RAP1A: variants seen among roughly 807,000 people sequenced by gnomAD.
RAP1A encodes the protein RAP1A, member of RAS oncogene family, also known as ras-related protein Rap-1A.
Under a neutral mutation model 26.4 loss-of-function variants are expected in RAP1A, and 6 were observed. That is an observed-to-expected ratio of 0.23 (90% confidence interval 0.12 to 0.45). The LOEUF (loss-of-function observed/expected upper bound fraction) is 0.45, where lower values mean the gene tolerates loss of function less well. Among genes scored for constraint, RAP1A ranks in the 20% least tolerant of loss-of-function variants. The pLI is 0.99. For missense variants in RAP1A, 121 were observed against 217.2 expected (o/e 0.56, Z 2.78); for synonymous variants, 73 against 79.4 (o/e 0.92, Z 0.43).
chr1:111,697,596 T>C, intron 4 of RAP1A, 99 bp downstream of exon 4: 1 of 1,549,260 alleles, frequency 6.5e-7, no homozygotes. Flanking sequence ...GTAAAAGTAA[T>C]CATTCTGATT....
intron 1 of RAP1A, among the ~76,000 whole-genome samples, chr1:111,641,853 T>G (rs1156987208): frequency 6.6e-6 from 1 of 152,230 alleles, no homozygotes; most frequent in Admixed American, 6.5e-5. Flanking sequence ...ACCACACTGA[T>G]GCTAGAGCCA....
chr1:111,617,437 T>C (rs1398108146), upstream of RAP1A, among the ~76,000 whole-genome samples: 1 of 152,088 alleles, frequency 6.6e-6, no homozygotes, highest in Non-Finnish European at 1.5e-5. Flanking sequence ...TTCTGTGTCA[T>C]CAATTTTACC....
At chr1:111,710,546 C>T (rs1370350725) in intron 7 of RAP1A, among the ~76,000 whole-genome samples, 1 of 152,068 alleles carries the variant, frequency 6.6e-6, no homozygotes, top group Admixed American at 6.6e-5. Context: ...TAAACTGGTC[C>T]CACTGGAAAG....
At chr1:111,670,123 T>C (rs976857196) in intron 1 of RAP1A, among the ~76,000 whole-genome samples, 2 of 152,242 alleles carry the variant, frequency 1.3e-5, no homozygotes, top group African/African-American at 4.8e-5. Flanking sequence ...CCAAAAGATA[T>C]ACTTTAGGTA....
At position 111,609,570 on chromosome 1, in the gene RAP1A, T is replaced by C. The variant is rs190024403; in HGVS notation, c.-28+67061T>C. ...GGTGCTGGTGCTCCGCTCTGTGTCA[T>C]TGTGGCCCCTGAACAATGGGAGGCT... is the stretch of plus-strand genomic sequence containing the variant. On this transcript the variant is annotated intron_variant, in intron 1 of 7. Transcript: ENST00000356415. 3.5e-3 allele frequency among the ~76,000 whole-genome samples: 534 copies of C among 152,332 alleles called. 3 individuals carry two copies. Among genetic ancestry groups the C allele is most frequent in the South Asian group, 0.017 (82 of 4,820 alleles).
intron 1 of RAP1A, among the ~76,000 whole-genome samples, chr1:111,603,521 T>G (rs2101073826): frequency 6.6e-6 from 1 of 152,342 alleles, no homozygotes; most frequent in South Asian, 2.1e-4. Flanking sequence ...GCACTGAAGA[T>G]TCAACAGAAT....
intron 1 of RAP1A, among the ~76,000 whole-genome samples, chr1:111,583,777 C>T (rs747598735): frequency 5.0e-4 from 76 of 150,954 alleles, no homozygotes; most frequent in Middle Eastern, 3.2e-3. Flanking sequence ...AGCTATTAAA[C>T]GTTATACTTA....
At chr1:111,611,266 G>A (rs1658922754) in intron 1 of RAP1A, among the ~76,000 whole-genome samples, 1 of 152,160 alleles carries the variant, frequency 6.6e-6, no homozygotes, top group Admixed American at 6.5e-5. Flanking sequence ...TTGTGCTTAG[G>A]ATGGCTTCAA....
intron 1 of RAP1A, among the ~76,000 whole-genome samples, chr1:111,665,321 G>A (rs1367360926): frequency 6.6e-6 from 1 of 151,988 alleles, no homozygotes; most frequent in Admixed American, 6.6e-5. Flanking sequence ...GTCATATATA[G>A]TTTATGTGGC....
At chr1:111,571,852 T>C (rs1658054761) in intron 1 of RAP1A, among the ~76,000 whole-genome samples, 1 of 152,256 alleles carries the variant, frequency 6.6e-6, no homozygotes, top group Non-Finnish European at 1.5e-5. Flanking sequence ...CATGCATTTT[T>C]GGCTATTTTT....
At chr1:111,603,811 A>AC (rs2101074068) in intron 1 of RAP1A, among the ~76,000 whole-genome samples, 1 of 152,268 alleles carries the variant, frequency 6.6e-6, no homozygotes, top group East Asian at 1.9e-4. Context: ...TTTTAACAAA[A>AC]CAAAAAAAAT....
chr1:111,559,780 A>G (rs571299869), intron 1 of RAP1A, among the ~76,000 whole-genome samples: 83 of 152,356 alleles, frequency 5.4e-4, no homozygotes, highest in African/African-American at 1.9e-3. Context: ...GCTAAAAGCC[A>G]TAACATGAGT....
chr1:111,556,261 C>G (rs778129984), intron 1 of RAP1A, among the ~76,000 whole-genome samples: 1 of 152,146 alleles, frequency 6.6e-6, no homozygotes, highest in Non-Finnish European at 1.5e-5. Context: ...CAAAAAAACA[C>G]TCACACAGAT....
At chr1:111,698,444 T>C (rs949666685) in intron 4 of RAP1A, among the ~76,000 whole-genome samples, 3 of 151,978 alleles carry the variant, frequency 2.0e-5, no homozygotes, top group Non-Finnish European at 4.4e-5. Context: ...AATAAAAAAA[T>C]TTTTTTTGTA....
At chr1:111,608,841 G>GATGGCA (rs1658867277) in intron 1 of RAP1A, 1 of 153,664 alleles carries the variant, frequency 6.5e-6, no homozygotes, top group Non-Finnish European at 1.4e-5. Flanking sequence ...AGTGAGCCGA[G>GATGGCA]ATGGCAGCAG....
intron 1 of RAP1A, among the ~76,000 whole-genome samples, chr1:111,575,007 A>C (rs1310269886): frequency 6.6e-6 from 1 of 152,286 alleles, no homozygotes; most frequent in African/African-American, 2.4e-5. Flanking sequence ...TCTGTACTCT[A>C]TCACTTACTA....
chr1:111,670,874 C>T (rs964664800), intron 1 of RAP1A, among the ~76,000 whole-genome samples: 4 of 152,140 alleles, frequency 2.6e-5, no homozygotes, highest in African/African-American at 4.8e-5. Context: ...TCTATCAAGA[C>T]GACTTGTCAA....
At chr1:111,593,109 G>A (rs1368650568) in intron 1 of RAP1A, among the ~76,000 whole-genome samples, 2 of 152,148 alleles carry the variant, frequency 1.3e-5, no homozygotes, top group Non-Finnish European at 2.9e-5. Flanking sequence ...GGGTTGTGTT[G>A]GCTTGCAAAG....
chr1:111,599,210 G>C (rs896351590), intron 1 of RAP1A, among the ~76,000 whole-genome samples: 1 of 149,478 alleles, frequency 6.7e-6, no homozygotes, highest in African/African-American at 2.6e-5. Flanking sequence ...GTCTTTTTTT[G>C]TTGTTGTTTT....
Sources: allele counts gnomAD v4.1 joint callset (sites outside exome capture counted in the v4.1 genomes callset), GRCh38; gene constraint gnomAD v4.1.1; transcripts MANE v1.5; gene names NCBI Gene and HGNC (gene_info 2026-07-23, HGNC 2026-07-21).